Variants in MICAL3 observed in about 807,000 individuals in gnomAD.
The protein encoded by MICAL3 is [F-actin]-monooxygenase MICAL3.
MICAL3 carries 62 observed loss-of-function variants against 207.4 expected under a neutral mutation model. That is an observed-to-expected ratio of 0.30 (90% CI 0.24 to 0.37). The LOEUF is 0.37. MICAL3 is among the 10% of genes least tolerant of loss of function. The probability of loss-of-function intolerance (pLI) is 1.00; values close to 1 mark genes in which losing one functional copy is unlikely to be tolerated. For missense variants in MICAL3, 2,368 were observed against 2,635.6 expected (o/e 0.90, Z 2.22); for synonymous variants, 1,077 against 1,069.3 (o/e 1.01, Z -0.14).
chr22:17,909,561 C>A (rs981088282), intron 1 of MICAL3, among the ~76,000 whole-genome samples: 6 of 152,184 alleles, frequency 3.9e-5, no homozygotes, highest in Non-Finnish European at 5.9e-5. Flanking sequence ...ACTGTTAACA[C>A]ACATAGCTTC....
chr22:18,022,235 G>T (rs1408343281), intron 1 of MICAL3, among the ~76,000 whole-genome samples: 1 of 152,176 alleles, frequency 6.6e-6, no homozygotes, highest in African/African-American at 2.4e-5. Context: ...GTACCTGTGG[G>T]GAAGATTTTA....
chr22:18,005,712 C>T (rs898762362), intron 1 of MICAL3: 1 of 152,154 alleles, frequency 6.6e-6, no homozygotes, highest in African/African-American at 2.4e-5. Flanking sequence ...AAAACTGCCC[C>T]GTACCGCTGG....
intron 1 of MICAL3, among the ~76,000 whole-genome samples, chr22:18,000,749 G>A (rs940486692): frequency 6.6e-6 from 1 of 152,192 alleles, no homozygotes; most frequent in Admixed American, 6.5e-5. Context: ...GCCCGGCCGC[G>A]CCCACCGCCC....
In MICAL3 at chr22:17,901,936, C is replaced by A; in HGVS notation, c.633G>T (p.Val211=). The A allele has an allele frequency of 1.2e-6, 2 of 1,613,886 alleles. No homozygotes were observed. The highest frequency in any genetic ancestry group is 2.7e-5 in the African/African-American group (2 of 75,060). ...RALVHPKTHP[V]SEYEFEVIIG... ...TGATCACTTCAAATTCATACTCTGA[C>A]ACAGGATGAGTCTTGGGGTGCACCA... is the stretch of plus-strand genomic sequence containing the variant. The change falls in exon 5 of 32, where the codon GTG becomes GTT. Residue 211 remains valine (V), a synonymous_variant. Transcript: ENST00000441493.
chr22:17,865,805 C>G (rs1927045803), intron 18 of MICAL3, 119 bp downstream of exon 18: 2 of 789,012 alleles, frequency 2.5e-6, no homozygotes, highest in Non-Finnish European at 4.4e-6. Flanking sequence ...TTCGGGCCCT[C>G]CCCGTTCCCA....
chr22:17,878,711 G>A (rs141862629), intron 16 of MICAL3, among the ~76,000 whole-genome samples: 148 of 152,248 alleles, frequency 9.7e-4, no homozygotes, highest in African/African-American at 3.3e-3. Flanking sequence ...AAAGTAAGCC[G>A]GCTTCTTTAA....
intron 16 of MICAL3, among the ~76,000 whole-genome samples, chr22:17,872,491 C>A (rs1927822644): frequency 1.3e-5 from 2 of 152,182 alleles, no homozygotes; most frequent in Admixed American, 1.3e-4. Flanking sequence ...GAAATGCTAG[C>A]AGAGTTCTGT....
At chr22:17,971,436 C>T (rs139868756) in intron 1 of MICAL3, among the ~76,000 whole-genome samples, 2,053 of 152,276 alleles carry the variant, frequency 0.013, 41 homozygotes, top group African/African-American at 0.046. Context: ...TGAGCTATCG[C>T]ACCATTGCAC....
intron 1 of MICAL3, chr22:17,981,108 T>C: frequency 3.4e-6 from 1 of 290,588 alleles, no homozygotes; most frequent in South Asian, 3.0e-5. Flanking sequence ...TTATTTTCAA[T>C]TTTACTGATA....
At chr22:17,987,420 C>T (rs1921148007) in intron 1 of MICAL3, among the ~76,000 whole-genome samples, 1 of 152,186 alleles carries the variant, frequency 6.6e-6, no homozygotes. Flanking sequence ...AGTACGGTCC[C>T]CGCCCTCTGC....
At chr22:18,021,003 G>A (rs1253517835) in intron 1 of MICAL3, among the ~76,000 whole-genome samples, 1 of 151,978 alleles carries the variant, frequency 6.6e-6, no homozygotes, top group Non-Finnish European at 1.5e-5. Flanking sequence ...ACTCACTGAT[G>A]AGTCACAATC....
intron 16 of MICAL3, among the ~76,000 whole-genome samples, chr22:17,877,565 T>TATGGCAGTTATGGAGGTG (rs1928958231): frequency 7.5e-6 from 1 of 132,664 alleles, no homozygotes; most frequent in Non-Finnish European, 1.6e-5. Flanking sequence ...TTATGGAGGT[T>TATGGCAGTTATGGAGGTG]AGGGAGGTTA....
intron 21 of MICAL3, among the ~76,000 whole-genome samples, chr22:17,829,713 T>C (rs1569084379): frequency 6.6e-6 from 1 of 152,172 alleles, no homozygotes; most frequent in African/African-American, 2.4e-5. Flanking sequence ...AGAGAAACAT[T>C]AAAGGCACCT....
intron 21 of MICAL3, among the ~76,000 whole-genome samples, chr22:17,829,975 GAC>G (rs1922626357): frequency 6.6e-6 from 1 of 152,174 alleles, no homozygotes; most frequent in African/African-American, 2.4e-5. Flanking sequence ...ATAAAACACA[GAC>G]CTTTGTCTGT....
rs559257799 is a variant in MICAL3, at chr22:17,996,661, G to A, written c.-75+27620C>T. Among the ~76,000 whole-genome samples the A allele has an allele frequency of 2.0e-5, 3 of 152,262 alleles. No homozygotes were observed. The East Asian group carries it at 5.8e-4, about 29-fold the overall frequency. On this transcript the variant is annotated intron_variant, in intron 1 of 31. Coordinates refer to ENST00000441493, the MANE Select transcript of MICAL3 (RefSeq NM_015241.3). The stretch of plus-strand genomic sequence containing the variant: ...AGTGTCTGACACCACCCATCACCCA[G>A]GGGATCCGAGCTGAATTCTAAAGAC...
At chr22:17,942,541 G>A (rs1353318082) in intron 1 of MICAL3, among the ~76,000 whole-genome samples, 1 of 152,228 alleles carries the variant, frequency 6.6e-6, no homozygotes, top group African/African-American at 2.4e-5. Context: ...AAAATCTAAG[G>A]AGAGTGGCTT....
At chr22:17,951,729 C>T (rs1934359097) in intron 1 of MICAL3, among the ~76,000 whole-genome samples, 1 of 151,248 alleles carries the variant, frequency 6.6e-6, no homozygotes. Context: ...CAGGGTCTCG[C>T]TCAGGCATCC....
intron 20 of MICAL3, chr22:17,840,102 G>T (rs953879488): frequency 3.4e-5 from 5 of 149,186 alleles, no homozygotes; most frequent in Non-Finnish European, 5.9e-5. Context: ...AATTTTTTTT[G>T]AGATGGAGTC....
intron 19 of MICAL3, chr22:17,863,026 C>CA: frequency 4.1e-6 from 4 of 985,432 alleles, no homozygotes; most frequent in Non-Finnish European, 4.8e-6. Flanking sequence ...GCTCTTTAAC[C>CA]ACACTGCCAA....
Sources: allele counts gnomAD v4.1 joint callset (sites outside exome capture counted in the v4.1 genomes callset), GRCh38; gene constraint gnomAD v4.1.1; transcripts MANE v1.5; gene names NCBI Gene and HGNC (gene_info 2026-07-23, HGNC 2026-07-21).